The following BPNT2 variants were observed in gnomAD, a reference collection of about 807,000 sequenced individuals.
BPNT2 encodes the protein 3'(2'), 5'-bisphosphate nucleotidase 2, also known as Golgi-resident adenosine 3',5'-bisphosphate 3'-phosphatase.
A neutral mutation model predicts 29.3 loss-of-function variants in BPNT2; 11 were observed. That is an observed-to-expected ratio of 0.38 (90% confidence interval 0.24 to 0.62). BPNT2 has a LOEUF of 0.62. Among genes scored for constraint, BPNT2 ranks in the 20% least tolerant of loss-of-function variants. The pLI is 0.62. For missense variants in BPNT2, 459 were observed against 473.4 expected (o/e 0.97, Z 0.28); for synonymous variants, 195 against 187.7 (o/e 1.04, Z -0.32).
intron 1 of BPNT2, among the ~76,000 whole-genome samples, chr8:56,988,473 A>T (rs2129206754): frequency 6.6e-6 from 1 of 152,354 alleles, no homozygotes; most frequent in South Asian, 2.1e-4. Context: ...CTGAAAGAGA[A>T]AAGGTAAAAC....
At chr8:56,988,369 T>C (rs1806358662) in intron 1 of BPNT2, among the ~76,000 whole-genome samples, 1 of 152,208 alleles carries the variant, frequency 6.6e-6, no homozygotes, top group African/African-American at 2.4e-5. Context: ...GGTATATGAA[T>C]AATTTAGGCT....
Position 56,993,815 on chromosome 8 carries a change from T to G in BPNT2, c.-230A>C, listed in dbSNP as rs1563414019. ...GACTCGCCAGGCAGCGCGCTCTAGG[T>G]TCTTCCGCCGGCCGGCTGGTCCGAC... is the stretch of plus-strand genomic sequence containing the variant. On this transcript the variant is annotated 5_prime_UTR_variant, in exon 1 of 5. Transcript: ENST00000262644. 1 of 411,694 alleles carries G rather than the reference T, an allele frequency of 2.4e-6. No individual in the cohort carries two copies. The highest frequency in any genetic ancestry group is 3.3e-6 in the Non-Finnish European group (1 of 303,812). 25.5% of individuals were successfully genotyped at this position (411,694 alleles called of 1,614,324 possible). A position where few individuals can be genotyped will look rare whatever the true frequency, so the allele number is the denominator to read the frequency against.
intron 3 of BPNT2, among the ~76,000 whole-genome samples, chr8:56,970,573 T>C (rs895291878): frequency 6.6e-6 from 1 of 152,194 alleles, no homozygotes; most frequent in African/African-American, 2.4e-5. Context: ...GGATCTTGGT[T>C]TGAAGCAATC....
At chr8:56,981,473 G>A (rs1399809289) in intron 1 of BPNT2, among the ~76,000 whole-genome samples, 2 of 152,078 alleles carry the variant, frequency 1.3e-5, no homozygotes. Flanking sequence ...GCTGAGGCAG[G>A]AGAATCACTT....
rs763327486 is a variant in BPNT2 at position 56,963,875 on chromosome 8, C to A, written c.998G>T (p.Gly333Val). ...CATTCTGATGCTAGCAAGGAGTCCC[C>A]CTTCAATGCCGTCTGAACCAGTGTA... ...ISYTGSDGIE[G>V]GLLASIRMNH... The change falls in exon 5 of 5, where the codon GGG becomes GTG. Residue 333 changes from glycine (G) to valine (V), a missense_variant. Gly to Val is a moderately radical substitution (Grantham distance 109, BLOSUM62 -3). Transcript: ENST00000262644. The A allele has an allele frequency of 1.2e-6, 2 of 1,614,088 alleles. No individual in the cohort carries two copies.
chr8:56,989,125 T>A (rs1659806615), intron 1 of BPNT2, among the ~76,000 whole-genome samples: 1 of 152,166 alleles, frequency 6.6e-6, no homozygotes, highest in South Asian at 2.1e-4. Context: ...TATAGAGAAT[T>A]AGACAGACCT....
chr8:56,971,945 A>G (rs944435446), intron 3 of BPNT2, among the ~76,000 whole-genome samples: 2 of 151,780 alleles, frequency 1.3e-5, no homozygotes, highest in South Asian at 2.1e-4. Flanking sequence ...AATACAAAAA[A>G]TTAGCCGGGC....
chr8:56,980,008 A>G (rs1806213123), intron 2 of BPNT2, 27 bp downstream of exon 2: 3 of 1,610,038 alleles, frequency 1.9e-6, no homozygotes, highest in South Asian at 1.1e-5. Flanking sequence ...CGTCAATCAA[A>G]TGTTTTGAGT....
At position 56,993,406 on chromosome 8, in the gene BPNT2, G is replaced by C; in HGVS notation, c.180C>G (p.Thr60=). The change falls in exon 1 of 5, where the codon ACC becomes ACG. Residue 60 remains threonine (T), a synonymous_variant. Coordinates refer to ENST00000262644, the MANE Select transcript of BPNT2 (RefSeq NM_017813.5). ...AGPAAAADGG[T]VDLREMLAVS... is the part of the protein sequence containing the mutation. ...CAGCCAGCATCTCGCGCAAGTCCACGGTGCCCCCATCGGCCGCGGCCGCGG... is the reference window on the plus strand; with the variant it reads ...CAGCCAGCATCTCGCGCAAGTCCACCGTGCCCCCATCGGCCGCGGCCGCGG... 6.3e-7 allele frequency: 1 copy of C among 1,599,888 alleles called. No individual in the cohort carries two copies. The highest frequency in any genetic ancestry group is 8.5e-7 in the Non-Finnish European group (1 of 1,176,164).
At chr8:56,970,977 C>T (rs778258816) in intron 3 of BPNT2, among the ~76,000 whole-genome samples, 31 of 152,020 alleles carry the variant, frequency 2.0e-4, no homozygotes, top group Non-Finnish European at 5.9e-5. Flanking sequence ...AGTGAATTTA[C>T]AGTGCTTTAT....
chr8:56,959,849 A>G lies in BPNT2; in HGVS notation c.*3944T>C, dbSNP rs1805800140. 6.6e-6 allele frequency: 1 copy of G among 152,166 alleles called. No individual in the cohort carries two copies. Among genetic ancestry groups the G allele is most frequent in the Admixed American group, 6.5e-5 (1 of 15,270 alleles). 9.4% of individuals were successfully genotyped at this position (152,166 alleles called of 1,614,324 possible). A position where few individuals can be genotyped will look rare whatever the true frequency, so the allele number is the denominator to read the frequency against. ...TAAGTTTTAATGGCAAAAAGTTCCT[A>G]TTTTCCCCCATCTACTAAAAAGGTT... On this transcript the variant is annotated 3_prime_UTR_variant, in exon 5 of 5. Transcript: ENST00000262644.
intron 1 of BPNT2, among the ~76,000 whole-genome samples, chr8:56,988,291 C>T (rs1280746831): frequency 6.6e-6 from 1 of 152,184 alleles, no homozygotes; most frequent in Non-Finnish European, 1.5e-5. Flanking sequence ...TCTTTACTCA[C>T]AGTCTCCATT....
chr8:56,966,305 AG>A lies in BPNT2; in HGVS notation c.693del (p.Tyr232ThrfsTer43). 1.2e-6 allele frequency: 2 copies of A among 1,613,992 alleles called. No individual in the cohort carries two copies. Among genetic ancestry groups the A allele is most frequent in the Non-Finnish European group, 1.7e-6 (2 of 1,179,880 alleles). On this transcript the variant is annotated frameshift_variant, in exon 4 of 5. Transcript: ENST00000262644. LOFTEE classifies it high-confidence loss of function. The stretch of plus-strand genomic sequence containing the variant: ...ACGATCCTTGGGGTCTTCTCATTGT[AG>A]GAAGAGCGGGCTTTCACATTTGAAC... The part of the protein sequence containing the change: ...DGGSNVKARS[S>X]YNEKTPRIVV...
In BPNT2 at chr8:56,958,924, G is replaced by A. The variant is rs1255041083; in HGVS notation, c.*4869C>T. 1 of 152,154 alleles carries A rather than the reference G, an allele frequency of 6.6e-6. No homozygotes were observed. Among genetic ancestry groups the A allele is most frequent in the East Asian group, 1.9e-4 (1 of 5,188 alleles). 9.4% of individuals were successfully genotyped at this position (152,154 alleles called of 1,614,324 possible). On this transcript the variant is annotated 3_prime_UTR_variant, in exon 5 of 5. Transcript: ENST00000262644. Reference sequence around the variant, plus strand: ...TGAAGTAGATAATTTCAGTGACGGAGGGGATGAAATATTTTTTGGTTAATT... The same window carrying A: ...TGAAGTAGATAATTTCAGTGACGGAAGGGATGAAATATTTTTTGGTTAATT...
intron 3 of BPNT2, among the ~76,000 whole-genome samples, chr8:56,969,474 T>A (rs574258391): frequency 2.1e-4 from 32 of 152,172 alleles, no homozygotes; most frequent in Non-Finnish European, 2.8e-4. Flanking sequence ...AAGATGGGAA[T>A]AAGGTAAAAG....
At position 56,974,324 on chromosome 8, in the gene BPNT2, C is replaced by G. The variant is rs1335031384; in HGVS notation, c.646+3726G>C. Among the ~76,000 whole-genome samples the G allele has an allele frequency of 2.0e-5, 3 of 152,286 alleles. No homozygotes were observed. The East Asian group carries it at 5.8e-4, about 29-fold the overall frequency. On this transcript the variant is annotated intron_variant, in intron 3 of 4. Transcript: ENST00000262644. ...TCATGGGTCTACTGTACTACACTTACTTATACATTTATATATTACTTCAGT... is the reference window on the plus strand; with the variant it reads ...TCATGGGTCTACTGTACTACACTTAGTTATACATTTATATATTACTTCAGT...
chr8:56,966,282 G>A lies in BPNT2; in HGVS notation c.717C>T (p.Ile239=), dbSNP rs141898546. The part of the protein sequence containing the change: ...RSSYNEKTPR[I]VVSRSHSGMV... ...TCCCTGAATGGGAACGAGACACAAC[G>A]ATCCTTGGGGTCTTCTCATTGTAGG... is the stretch of plus-strand genomic sequence containing the variant. Residue 239 remains isoleucine (I), a synonymous_variant, in exon 4 of 5, where the codon ATC becomes ATT. Coordinates refer to ENST00000262644, the MANE Select transcript of BPNT2 (RefSeq NM_017813.5). 1.1e-5 allele frequency: 17 copies of A among 1,613,724 alleles called. No individual in the cohort carries two copies. The African/African-American group carries it at 1.6e-4, about 15-fold the overall frequency.
chr8:56,982,561 A>T (rs1466868440), intron 1 of BPNT2, among the ~76,000 whole-genome samples: 1 of 152,246 alleles, frequency 6.6e-6, no homozygotes, highest in Admixed American at 6.5e-5. Context: ...ACAGTGATCA[A>T]TGTGAGACAA....
At position 56,977,945 on chromosome 8, in the gene BPNT2, G is replaced by GGAA; in HGVS notation, c.646+102_646+104dup. 7 of 799,626 alleles carry GGAA rather than the reference G, an allele frequency of 8.8e-6. No individual in the cohort carries two copies. The Admixed American group carries it at 1.2e-4, about 14-fold the overall frequency. 49.5% of individuals were successfully genotyped at this position (799,626 alleles called of 1,614,324 possible). ...GTGTTTTTTTCTTACAGCAGCCCTA[G>GGAA]GAAACTAATATAGGAGTGGATACAA... On this transcript the variant is annotated intron_variant, in intron 3 of 4. Transcript: ENST00000262644.
Sources: allele counts gnomAD v4.1 joint callset (sites outside exome capture counted in the v4.1 genomes callset), GRCh38; gene constraint gnomAD v4.1.1; transcripts MANE v1.5; gene names NCBI Gene and HGNC (gene_info 2026-07-23, HGNC 2026-07-21).